The following AGBL4 variants were observed in gnomAD, a reference collection of about 807,000 sequenced individuals.
The protein encoded by AGBL4 is AGBL carboxypeptidase 4.
In AGBL4, 58 loss-of-function variants were observed where a neutral mutation model predicts 66.4. The ratio of observed to expected loss-of-function variants is 0.87; its 90% confidence interval spans 0.71 to 1.09. The LOEUF is 1.09. Ranked by LOEUF, AGBL4 falls within the 50% of genes least tolerant of loss-of-function variation. The pLI is 0.00. For missense variants in AGBL4, 579 were observed against 631.0 expected, an observed-to-expected ratio of 0.92 and a Z score of 0.88; for synonymous variants, 234 against 222.9, an observed-to-expected ratio of 1.05 and a Z score of -0.44.
chr1:49,015,589 AT>A (rs932555821), intron 5 of AGBL4, among the ~76,000 whole-genome samples: 5 of 148,440 alleles, frequency 3.4e-5, no homozygotes, highest in African/African-American at 5.0e-5. Context: ...CGCCTGGCTA[AT>A]TTTTTTTTTA....
intron 2 of AGBL4, among the ~76,000 whole-genome samples, chr1:49,828,418 G>A (rs1443900914): frequency 6.6e-6 from 1 of 152,110 alleles, no homozygotes; most frequent in Admixed American, 6.5e-5. Flanking sequence ...TGAATACCAA[G>A]AAGTAAAGAT....
chr1:49,006,817 C>T (rs1446936847), intron 5 of AGBL4, among the ~76,000 whole-genome samples: 1 of 151,180 alleles, frequency 6.6e-6, no homozygotes, highest in East Asian at 2.0e-4. Context: ...GCTGAGGGTC[C>T]TGTCTGTTAG....
At chr1:49,504,499 G>T (rs2148769876) in intron 3 of AGBL4, among the ~76,000 whole-genome samples, 1 of 151,920 alleles carries the variant, frequency 6.6e-6, no homozygotes, top group South Asian at 2.1e-4. Flanking sequence ...AGTAATATTT[G>T]CTATATTTAT....
At chr1:49,670,345 ATT>A in intron 3 of AGBL4, among the ~76,000 whole-genome samples, 1 of 152,282 alleles carries the variant, frequency 6.6e-6, no homozygotes, top group South Asian at 2.1e-4. Context: ...GGCAGACTTG[ATT>A]TGGGACACAA....
intron 3 of AGBL4, among the ~76,000 whole-genome samples, chr1:49,387,853 G>A (rs1037035511): frequency 1.3e-5 from 2 of 151,928 alleles, no homozygotes; most frequent in African/African-American, 2.4e-5. Context: ...AATATTTGAA[G>A]CCATAACTAC....
At chr1:49,351,954 A>G (rs1275940975) in intron 3 of AGBL4, among the ~76,000 whole-genome samples, 1 of 152,194 alleles carries the variant, frequency 6.6e-6, no homozygotes, top group Non-Finnish European at 1.5e-5. Flanking sequence ...TCCTGCAAAG[A>G]GTATTTGTGT....
chr1:49,163,871 TG>T (rs900186372), intron 4 of AGBL4, among the ~76,000 whole-genome samples: 2 of 152,122 alleles, frequency 1.3e-5, no homozygotes, highest in African/African-American at 4.8e-5. Flanking sequence ...TGGGGTATTC[TG>T]GGTCTATGGA....
At chr1:48,696,060 C>T (rs1646709542) in intron 6 of AGBL4, among the ~76,000 whole-genome samples, 1 of 152,170 alleles carries the variant, frequency 6.6e-6, no homozygotes, top group Admixed American at 6.5e-5. Context: ...CTGGCCCTGA[C>T]CCTGTCCTGG....
intron 3 of AGBL4, among the ~76,000 whole-genome samples, chr1:49,421,370 T>C (rs1449794056): frequency 1.4e-5 from 2 of 142,144 alleles, no homozygotes; most frequent in Non-Finnish European, 3.1e-5. Flanking sequence ...TTGTAACAAA[T>C]GCTACGGGGG....
intron 4 of AGBL4, among the ~76,000 whole-genome samples, chr1:49,211,736 T>C (rs1648685376): frequency 6.6e-6 from 1 of 152,116 alleles, no homozygotes; most frequent in African/African-American, 2.4e-5. Flanking sequence ...ATAACTCTTA[T>C]TATAATAGAG....
intron 4 of AGBL4, among the ~76,000 whole-genome samples, chr1:49,173,607 A>T (rs1397138608): frequency 6.6e-6 from 1 of 152,234 alleles, no homozygotes; most frequent in African/African-American, 2.4e-5. Flanking sequence ...AAAGACTGAC[A>T]TTATACTAAT....
intron 3 of AGBL4, among the ~76,000 whole-genome samples, chr1:49,380,128 A>G (rs1224651767): frequency 6.6e-6 from 1 of 152,180 alleles, no homozygotes; most frequent in Admixed American, 6.6e-5. Context: ...AAATCTCCTT[A>G]AGCTGATAAG....
intron 1 of AGBL4, among the ~76,000 whole-genome samples, chr1:49,958,996 C>T (rs1656889319): frequency 6.7e-6 from 1 of 150,230 alleles, no homozygotes; most frequent in South Asian, 2.1e-4. Context: ...AACAGTCAAA[C>T]ATCAAAAGCA....
At chr1:49,657,686 T>C (rs1175633748) in intron 3 of AGBL4, among the ~76,000 whole-genome samples, 5 of 149,412 alleles carry the variant, frequency 3.3e-5, no homozygotes, top group East Asian at 2.0e-4. Flanking sequence ...CAGAACAGAG[T>C]CCTCAGAAAT....
rs1644546859 is a variant in AGBL4 at position 49,379,513 on chromosome 1, G to C, written c.283-133649C>G. 2.6e-5 allele frequency among the ~76,000 whole-genome samples: 4 copies of C among 152,070 alleles called. No homozygotes were observed. In the South Asian group the frequency reaches 8.3e-4, roughly 32 times the overall value. On this transcript the variant is annotated intron_variant, in intron 3 of 13. Transcript: ENST00000371839. ...CCCTTCAGTATGATATTGGCTGTGG[G>C]TTTGTCATAGATAGCTCTTATTATT...
intron 3 of AGBL4, among the ~76,000 whole-genome samples, chr1:49,549,478 G>A (rs1312961145): frequency 1.3e-5 from 2 of 151,954 alleles, no homozygotes; most frequent in East Asian, 3.9e-4. Context: ...GATAGGTTGT[G>A]TCATTATTGC....
At position 49,987,345 on chromosome 1, in the gene AGBL4, T is replaced by TGATAATAAGAGCTGAGCTATC. The variant is rs1242418691; in HGVS notation, c.34+36397_34+36417dup. Among the ~76,000 whole-genome samples the TGATAATAAGAGCTGAGCTATC allele has an allele frequency of 2.0e-5, 3 of 152,028 alleles. No homozygotes were observed. In the East Asian group the frequency reaches 5.8e-4, roughly 29 times the overall value. On this transcript the variant is annotated intron_variant, in intron 1 of 13. Transcript: ENST00000371839. ...TGTTAACATTTTTACATTAGCCCTA[T>TGATAATAAGAGCTGAGCTATC]GATAATAAGAGCTGAGCTATCTAAA...
At chr1:49,844,777 A>G in intron 2 of AGBL4, 1 of 1,584,288 alleles carries the variant, frequency 6.3e-7, no homozygotes, top group Non-Finnish European at 8.7e-7. Flanking sequence ...CTTGGTAGAA[A>G]GATTCCTCTG....
chr1:49,246,863 C>A (rs1651685565), intron 3 of AGBL4, among the ~76,000 whole-genome samples: 1 of 151,856 alleles, frequency 6.6e-6, no homozygotes, highest in African/African-American at 2.4e-5. Flanking sequence ...GTGAAAAAAA[C>A]AAAACCATCA....
Sources: gnomAD v4.1 joint callset for allele counts (sites outside exome capture counted in the v4.1 genomes callset) on GRCh38, gnomAD v4.1.1 for gene constraint, MANE v1.5 for transcripts, NCBI Gene and HGNC (gene_info 2026-07-23, HGNC 2026-07-21) for gene names.